Variants in DNAH9 observed in about 807,000 individuals in gnomAD.
DNAH9 encodes DNAH9 variant protein.
A neutral mutation model predicts 471.6 loss-of-function variants in DNAH9; 345 were observed. That is an observed-to-expected ratio of 0.73 (90% CI 0.67 to 0.80). The LOEUF (loss-of-function observed/expected upper bound fraction) is 0.80, where lower values mean the gene tolerates loss of function less well. DNAH9 is among the 30% of genes least tolerant of loss of function. DNAH9 has a pLI of 0.00. For missense variants in DNAH9, 5,407 were observed against 5,609.2 expected, an observed-to-expected ratio of 0.96 and a Z score of 1.15; for synonymous variants, 2,093 against 2,123.6, an observed-to-expected ratio of 0.99 and a Z score of 0.40.
intron 49 of DNAH9, among the ~76,000 whole-genome samples, chr17:11,849,479 C>T (rs1971337128): frequency 6.6e-6 from 1 of 152,212 alleles, no homozygotes; most frequent in African/African-American, 2.4e-5. Flanking sequence ...CCCCAGCTGC[C>T]TCTCAGCCAT....
chr17:11,641,299 T>A (rs557203012), intron 10 of DNAH9, among the ~76,000 whole-genome samples: 3 of 151,958 alleles, frequency 2.0e-5, no homozygotes, highest in Non-Finnish European at 2.9e-5. Context: ...GTGAGCAATC[T>A]CCTGACTGTT....
At chr17:11,869,949 C>T (rs1041627599) in intron 51 of DNAH9, among the ~76,000 whole-genome samples, 2 of 152,190 alleles carry the variant, frequency 1.3e-5, no homozygotes, top group South Asian at 4.1e-4. Flanking sequence ...GGGCTGGAGG[C>T]CCCCGAGATG....
chr17:11,832,732 A>G (rs1970719024), intron 48 of DNAH9, among the ~76,000 whole-genome samples: 1 of 152,234 alleles, frequency 6.6e-6, no homozygotes, highest in African/African-American at 2.4e-5. Flanking sequence ...TGCATCATAA[A>G]GCACTGGAAT....
intron 62 of DNAH9, chr17:11,925,350 T>G (rs1432882659): frequency 3.0e-6 from 1 of 330,898 alleles, no homozygotes; most frequent in African/African-American, 2.2e-5. Flanking sequence ...TGATTACTGG[T>G]GACATCACAT....
chr17:11,725,585 A>C (rs976648639), intron 27 of DNAH9, among the ~76,000 whole-genome samples: 2 of 152,074 alleles, frequency 1.3e-5, no homozygotes, highest in African/African-American at 4.8e-5. Context: ...TCTGCCCTAC[A>C]TCAGGACACA....
At chr17:11,637,501 G>A (rs770922641) in intron 9 of DNAH9, among the ~76,000 whole-genome samples, 38 of 152,168 alleles carry the variant, frequency 2.5e-4, no homozygotes, top group Non-Finnish European at 4.0e-4. Flanking sequence ...AGGAGGCTGA[G>A]GTGGGAGGAT....
At chr17:11,658,438 A>G (rs1167510096) in intron 14 of DNAH9, among the ~76,000 whole-genome samples, 1 of 152,162 alleles carries the variant, frequency 6.6e-6, no homozygotes, top group Non-Finnish European at 1.5e-5. Context: ...ATCTATGTAA[A>G]TAAGTCATTT....
At chr17:11,865,504 C>T (rs1272693462) in intron 50 of DNAH9, among the ~76,000 whole-genome samples, 1 of 152,044 alleles carries the variant, frequency 6.6e-6, no homozygotes, top group Non-Finnish European at 1.5e-5. Flanking sequence ...TGTCTTGGAG[C>T]TGCTCTTCTC....
intron 50 of DNAH9, among the ~76,000 whole-genome samples, chr17:11,857,887 C>T (rs1168953754): frequency 1.3e-5 from 2 of 152,168 alleles, no homozygotes; most frequent in African/African-American, 4.8e-5. Context: ...TGCCTTCCAC[C>T]ATGAGTAGAA....
At position 11,617,910 on chromosome 17, in the gene DNAH9, T is replaced by C. The variant is rs187889354; in HGVS notation, c.1116+288T>C. Among the ~76,000 whole-genome samples the C allele has an allele frequency of 1.3e-3, 204 of 152,294 alleles. 1 individual carries two copies. Among genetic ancestry groups the C allele is most frequent in the Middle Eastern group, 3.4e-3 (1 of 294 alleles). On this transcript the variant is annotated intron_variant, in intron 5 of 68. Coordinates refer to ENST00000262442, the MANE Select transcript of DNAH9 (RefSeq NM_001372.4). ...TCCTTAATGACCTATGAAGAAGGAC[T>C]GGTAATGAGTCAGCAGCAAAGCCTA... is the stretch of plus-strand genomic sequence containing the variant.
At chr17:11,656,979 C>A (rs1321120370) in intron 14 of DNAH9, among the ~76,000 whole-genome samples, 2 of 152,118 alleles carry the variant, frequency 1.3e-5, no homozygotes, top group Non-Finnish European at 2.9e-5. Context: ...TTCATCCAGT[C>A]CCCTGATGAT....
intron 36 of DNAH9, among the ~76,000 whole-genome samples, chr17:11,768,175 A>T (rs552967422): frequency 6.6e-6 from 1 of 152,022 alleles, no homozygotes; most frequent in East Asian, 1.9e-4. Context: ...TCCCTCAACC[A>T]TCTCCACCCT....
chr17:11,725,902 A>G (rs2075143137), intron 27 of DNAH9, among the ~76,000 whole-genome samples: 1 of 152,102 alleles, frequency 6.6e-6, no homozygotes, highest in Admixed American at 6.6e-5. Flanking sequence ...GTCTGCCCTA[A>G]TGTCCAACCT....
chr17:11,703,199 GAGA>G (rs1305725970), intron 24 of DNAH9, among the ~76,000 whole-genome samples: 1 of 152,124 alleles, frequency 6.6e-6, no homozygotes, highest in Non-Finnish European at 1.5e-5. Flanking sequence ...CCACACTGCA[GAGA>G]AGAAGAGGTG....
chr17:11,929,843 G>A (rs754778007), intron 62 of DNAH9, 23 bp from the exon 63 acceptor site: 3 of 1,599,218 alleles, frequency 1.9e-6, no homozygotes, highest in South Asian at 1.1e-5. Context: ...TGTATTGAGG[G>A]GGGGCTCCTT....
chr17:11,622,802 C>T (rs557084129), intron 6 of DNAH9, among the ~76,000 whole-genome samples: 56 of 152,092 alleles, frequency 3.7e-4, no homozygotes, highest in Non-Finnish European at 8.1e-4. Context: ...ATCAAGGGCA[C>T]AGGTGCATAA....
chr17:11,733,222 G>C (rs2075295562), intron 28 of DNAH9, among the ~76,000 whole-genome samples: 1 of 152,178 alleles, frequency 6.6e-6, no homozygotes, highest in Non-Finnish European at 1.5e-5. Flanking sequence ...ACCACAAAAT[G>C]AGCCACTCTC....
Position 11,669,146 on chromosome 17 carries a change from G to T in DNAH9, c.2814G>T (p.Glu938Asp). 6.2e-7 allele frequency: 1 copy of T among 1,613,800 alleles called. No homozygotes were observed. Among genetic ancestry groups the T allele is most frequent in the Non-Finnish European group, 8.5e-7 (1 of 1,179,712 alleles). The change falls in exon 16 of 69, where the codon GAG becomes GAT. Residue 938 changes from glutamate (E) to aspartate (D), a missense_variant. Physicochemically the swap from Glu to Asp is conservative, Grantham distance 45. Transcript: ENST00000262442. Reference sequence around the variant, plus strand: ...AGCTAGTTTTCTATCCGTCTCTGGAGTCTGGAGTGAAGGGGGGTTTCTGTG... The same window carrying T: ...AGCTAGTTTTCTATCCGTCTCTGGATTCTGGAGTGAAGGGGGGTTTCTGTG... ...IPELVFYPSL[E>D]SGVKGGFCDI...
chr17:11,662,849 G>A (rs1227680621), intron 14 of DNAH9, among the ~76,000 whole-genome samples: 7 of 133,602 alleles, frequency 5.2e-5, no homozygotes, highest in Admixed American at 9.3e-5. Context: ...TCCGCCTCCC[G>A]GGTTCACGCC....
Sources: gnomAD v4.1 joint callset for allele counts (sites outside exome capture counted in the v4.1 genomes callset) on GRCh38, gnomAD v4.1.1 for gene constraint, MANE v1.5 for transcripts, NCBI Gene and HGNC (gene_info 2026-07-23, HGNC 2026-07-21) for gene names.